The following UBE3C variants were observed in gnomAD, a reference collection of about 807,000 sequenced individuals.
The protein encoded by UBE3C is ubiquitin-protein ligase E3C.
In UBE3C, 42 loss-of-function variants were observed where a neutral mutation model predicts 129.4. The observed-to-expected ratio is 0.32, with a 90% CI of 0.25 to 0.42. The LOEUF (loss-of-function observed/expected upper bound fraction) is 0.42. Among genes scored for constraint, UBE3C ranks in the 10% least tolerant of loss-of-function variants. The pLI is 1.00. For synonymous variants in UBE3C, 510 were observed against 492.4 expected, an observed-to-expected ratio of 1.04 and a Z score of -0.47; for missense variants, 1,049 against 1,319.1, an observed-to-expected ratio of 0.80 and a Z score of 3.17.
chr7:157,187,381 G>T (rs1243615457), intron 10 of UBE3C, among the ~76,000 whole-genome samples: 86 of 142,952 alleles, frequency 6.0e-4, no homozygotes, highest in South Asian at 2.9e-3. Flanking sequence ...GTTTTATGGG[G>T]TTTTTTTTTT....
At chr7:157,189,186 G>A (rs1808887599) in intron 10 of UBE3C, 1 of 387,288 alleles carries the variant, frequency 2.6e-6, no homozygotes, top group African/African-American at 2.1e-5. Context: ...GCTGGGGCTG[G>A]AGCAGAAGTG....
intron 16 of UBE3C, among the ~76,000 whole-genome samples, chr7:157,224,663 A>G (rs188827442): frequency 6.6e-6 from 1 of 152,098 alleles, no homozygotes; most frequent in African/African-American, 2.4e-5. Flanking sequence ...GTTCTTCAGT[A>G]ATGGCTTCAA....
At position 157,186,995 on chromosome 7, in the gene UBE3C, G is replaced by A. The variant is rs1808825137; in HGVS notation, c.1305G>A (p.Gln435=). 3.1e-6 allele frequency: 5 copies of A among 1,608,714 alleles called. No individual in the cohort carries two copies. The Admixed American group carries it at 8.5e-5, about 27-fold the overall frequency. ...MASVCHTLMV[Q]HRMMVPKVRL... is the part of the protein sequence containing the mutation. Reference sequence around the variant, plus strand: ...CCGTCTGCCACACGCTGATGGTGCAGCACCGCATGATGGTACCCAAAGTCA... The same window carrying A: ...CCGTCTGCCACACGCTGATGGTGCAACACCGCATGATGGTACCCAAAGTCA... The change falls in exon 10 of 23, where the codon CAG becomes CAA. Residue 435 remains glutamine (Q), a synonymous_variant. Coordinates refer to ENST00000348165, the MANE Select transcript of UBE3C (RefSeq NM_014671.3).
In UBE3C at chr7:157,138,976, G is replaced by A. The variant is rs1034688594; in HGVS notation, c.-297G>A. 18 of 152,676 alleles carry A rather than the reference G, an allele frequency of 1.2e-4. No individual in the cohort carries two copies. The highest frequency in any genetic ancestry group is 4.3e-4 in the African/African-American group (18 of 41,430). The allele number at this position is 152,676 out of a possible 1,614,324, so 9.5% of individuals were successfully genotyped here. On this transcript the variant is annotated 5_prime_UTR_variant, in exon 1 of 23. Coordinates refer to ENST00000348165, the MANE Select transcript of UBE3C (RefSeq NM_014671.3). ...CTTCCCTCCCGAGGCGGCAGTTCCA[G>A]GTGCAAGCGCCGGGTTTGCTGCCCG...
At chr7:157,263,909 A>G (rs1796992164) in intron 22 of UBE3C, among the ~76,000 whole-genome samples, 1 of 151,918 alleles carries the variant, frequency 6.6e-6, no homozygotes, top group Middle Eastern at 3.2e-3. Flanking sequence ...ATCTACCTAC[A>G]TGAGTGTGTG....
chr7:157,156,299 TC>T lies in UBE3C; in HGVS notation c.67-7510del. Reference sequence around the variant, plus strand: ...CACCTCCACTCCTCACACCCCCAGTTCTTTTTTTTTTTTTTTTTTTTTTTTG... The same window carrying T: ...CACCTCCACTCCTCACACCCCCAGTTTTTTTTTTTTTTTTTTTTTTTTTTG... On this transcript the variant is annotated intron_variant, in intron 1 of 22. Transcript: ENST00000348165. Among the ~76,000 whole-genome samples the T allele has an allele frequency of 2.1e-5, 3 of 141,008 alleles. 1 individual carries two copies. Among genetic ancestry groups the T allele is most frequent in the African/African-American group, 8.2e-5 (3 of 36,624 alleles). 92.5% of individuals were successfully genotyped at this position (141,008 alleles called of 152,430 possible). A position where few individuals can be genotyped will look rare whatever the true frequency, so the allele number is the denominator to read the frequency against.
intron 18 of UBE3C, 101 bp downstream of exon 18, chr7:157,231,428 G>A: frequency 6.6e-7 from 1 of 1,517,394 alleles, no homozygotes; most frequent in Admixed American, 2.1e-5. Flanking sequence ...AATACTGTTT[G>A]TTTTAAATTT....
At chr7:157,247,008 A>G (rs140687693) in intron 18 of UBE3C, among the ~76,000 whole-genome samples, 5,103 of 152,254 alleles carry the variant, frequency 0.034, 137 homozygotes, top group Middle Eastern at 0.11. Flanking sequence ...CTCCTGCCTC[A>G]GCCTCCCAAG....
chr7:157,205,848 C>T (rs779889003), intron 11 of UBE3C, among the ~76,000 whole-genome samples: 1 of 152,164 alleles, frequency 6.6e-6, no homozygotes, highest in Non-Finnish European at 1.5e-5. Context: ...TTTCTCAAAG[C>T]GGTTGATGAT....
intron 10 of UBE3C, chr7:157,188,959 T>C: frequency 1.5e-6 from 1 of 680,784 alleles, no homozygotes. Context: ...GGTGTACAAA[T>C]GAATGTGGAG....
chr7:157,158,376 A>C (rs1807975513), intron 1 of UBE3C, among the ~76,000 whole-genome samples: 1 of 152,206 alleles, frequency 6.6e-6, no homozygotes, highest in African/African-American at 2.4e-5. Context: ...CATAGCACCC[A>C]AAACCTGTTA....
intron 22 of UBE3C, among the ~76,000 whole-genome samples, chr7:157,261,040 C>T (rs1203170278): frequency 6.6e-6 from 1 of 152,028 alleles, no homozygotes; most frequent in Non-Finnish European, 1.5e-5. Context: ...CGGTGGCTCA[C>T]ACCTGTAATC....
rs139771616 is a variant in UBE3C at position 157,242,845 on chromosome 7, A to G, written c.2482-5523A>G. ...GCCAAGGCGGGAGAATCACGAGGTC[A>G]GGAGTTCTAGACCAGCCTGACCAAC... On this transcript the variant is annotated intron_variant, in intron 18 of 22. Coordinates refer to ENST00000348165, the MANE Select transcript of UBE3C (RefSeq NM_014671.3). Among the ~76,000 whole-genome samples, 1,043 of 152,208 alleles carry G rather than the reference A, an allele frequency of 6.9e-3. 12 individuals are homozygous for G. Among genetic ancestry groups the G allele is most frequent in the African/African-American group, 0.024 (996 of 41,514 alleles).
At chr7:157,254,751 A>T (rs1796704666) in intron 21 of UBE3C, among the ~76,000 whole-genome samples, 1 of 151,666 alleles carries the variant, frequency 6.6e-6, no homozygotes, top group Non-Finnish European at 1.5e-5. Context: ...ATGGTTCAAA[A>T]ACCAGATGGC....
intron 18 of UBE3C, among the ~76,000 whole-genome samples, chr7:157,237,358 G>A (rs1796179237): frequency 6.6e-6 from 1 of 152,064 alleles, no homozygotes; most frequent in Admixed American, 6.5e-5. Context: ...GGAGAATGGC[G>A]TGAACCCGGG....
intron 18 of UBE3C, among the ~76,000 whole-genome samples, chr7:157,232,311 G>A (rs1796042695): frequency 1.3e-5 from 2 of 152,174 alleles, no homozygotes; most frequent in Admixed American, 1.3e-4. Context: ...CTACCTGTTA[G>A]GGTGACATTT....
chr7:157,220,685 A>G lies in UBE3C; in HGVS notation c.1915-4A>G. On this transcript the variant is annotated splice_region_variant and splice_polypyrimidine_tract_variant and intron_variant, in intron 14 of 22. Transcript: ENST00000348165. Reference sequence around the variant, plus strand: ...GAGTTCTGAACCAGGATTGCCCCCGACAGGTCACTCAGCTCTATGTGCCAG... The same window carrying G: ...GAGTTCTGAACCAGGATTGCCCCCGGCAGGTCACTCAGCTCTATGTGCCAG... The G allele has an allele frequency of 1.2e-6, 2 of 1,614,100 alleles. No individual in the cohort carries two copies. The highest frequency in any genetic ancestry group is 8.5e-7 in the Non-Finnish European group (1 of 1,179,974).
intron 22 of UBE3C, 135 bp downstream of exon 22, chr7:157,257,179 C>T: frequency 8.0e-7 from 1 of 1,251,600 alleles, no homozygotes; most frequent in Non-Finnish European, 1.1e-6. Context: ...TAATTAAGTA[C>T]TGGTTATGAT....
intron 22 of UBE3C, among the ~76,000 whole-genome samples, chr7:157,261,898 TTTAA>T (rs1239352694): frequency 6.6e-6 from 1 of 152,234 alleles, no homozygotes; most frequent in Non-Finnish European, 1.5e-5. Flanking sequence ...TTGTACTGTA[TTTAA>T]TTATGCACAA....
Sources: allele counts gnomAD v4.1 joint callset (sites outside exome capture counted in the v4.1 genomes callset), GRCh38; gene constraint gnomAD v4.1.1; transcripts MANE v1.5; gene names NCBI Gene and HGNC (gene_info 2026-07-23, HGNC 2026-07-21).